ASTN2: variants seen among roughly 807,000 people sequenced by gnomAD.
ASTN2 encodes the protein astrotactin 2.
ASTN2 carries 54 observed loss-of-function variants against 139.8 expected under a neutral mutation model. The observed-to-expected ratio is 0.39, with a 90% CI of 0.31 to 0.48. ASTN2 has a LOEUF of 0.48. Among genes scored for constraint, ASTN2 ranks in the 20% least tolerant of loss-of-function variants. The probability of loss-of-function intolerance (pLI) is 0.95; values close to 1 mark genes in which losing one functional copy is unlikely to be tolerated. For missense variants in ASTN2, 1,565 were observed against 1,725.1 expected, an observed-to-expected ratio of 0.91 and a Z score of 1.64; for synonymous variants, 756 against 719.5, an observed-to-expected ratio of 1.05 and a Z score of -0.81.
chr9:116,440,486 C>T, intron 22 of ASTN2, 123 bp downstream of exon 22: 1 of 901,100 alleles, frequency 1.1e-6, no homozygotes, highest in Non-Finnish European at 1.7e-6. Flanking sequence ...TTGACACGAC[C>T]AAGGTGATAA....
chr9:116,615,718 C>A (rs1227243783), intron 19 of ASTN2, among the ~76,000 whole-genome samples: 1 of 131,424 alleles, frequency 7.6e-6, no homozygotes, highest in Non-Finnish European at 1.6e-5. Context: ...CACACCAGGG[C>A]CTGTCATGGG....
chr9:116,465,448 C>T (rs981134449), intron 20 of ASTN2, among the ~76,000 whole-genome samples: 3 of 152,080 alleles, frequency 2.0e-5, no homozygotes, highest in Non-Finnish European at 2.9e-5. Flanking sequence ...TAAGGCTTTG[C>T]GTAAGCACAA....
Position 117,414,783 on chromosome 9 carries a change from G to A in ASTN2, c.156C>T (p.Thr52=), listed in dbSNP as rs1486060916. Residue 52 remains threonine (T), a synonymous_variant, in exon 1 of 23, where the codon ACC becomes ACT. Coordinates refer to ENST00000313400, the MANE Select transcript of ASTN2 (RefSeq NM_001365068.1). The surrounding 1 kb of genome is among the most constrained non-coding windows in gnomAD (Gnocchi z 4.2). The part of the protein sequence containing the change: ...LPPPPLLAGA[T]AAASREPDSP... ...TGTCGGGCTCCCGCGAGGCAGCGGC[G>A]GTGGCGCCGGCCAGCAGCGGCGGCG... The A allele has an allele frequency of 1.6e-6, 2 of 1,256,204 alleles. No individual in the cohort carries two copies. The highest frequency in any genetic ancestry group is 2.0e-6 in the Non-Finnish European group (2 of 999,796). The allele number at this position is 1,256,204 out of a possible 1,614,324, so 77.8% of individuals were successfully genotyped here.
At chr9:116,801,152 G>C (rs540989321) in intron 13 of ASTN2, among the ~76,000 whole-genome samples, 2 of 152,150 alleles carry the variant, frequency 1.3e-5, no homozygotes, top group African/African-American at 4.8e-5. Context: ...CTTAGAGGAG[G>C]GAGGAAAGGA....
At chr9:117,052,956 G>T (rs1359854616) in intron 5 of ASTN2, among the ~76,000 whole-genome samples, 2 of 152,250 alleles carry the variant, frequency 1.3e-5, no homozygotes, top group African/African-American at 4.8e-5. Flanking sequence ...GAGGACACCA[G>T]ATGAAGGATT....
At chr9:116,458,453 C>G (rs775882315) in intron 20 of ASTN2, among the ~76,000 whole-genome samples, 8 of 151,786 alleles carry the variant, frequency 5.3e-5, no homozygotes, top group Non-Finnish European at 7.4e-5. Context: ...ACATCGCATA[C>G]TTGTATCAAA....
rs139516077 is a variant in ASTN2, at chr9:117,222,311, G to A, written c.631-7569C>T. On this transcript the variant is annotated intron_variant, in intron 2 of 22. Coordinates refer to ENST00000313400, the MANE Select transcript of ASTN2 (RefSeq NM_001365068.1). ...CCTTCTTCAAATGTGTGCTTTGGCC[G>A]TCCATGCAACCACCCCTACTAAGCT... Among the ~76,000 whole-genome samples, 803 of 152,242 alleles carry A rather than the reference G, an allele frequency of 5.3e-3. 6 individuals are homozygous for A. The highest frequency in any genetic ancestry group is 0.016 in the African/African-American group (663 of 41,530).
At chr9:117,043,790 C>A (rs989991371) in intron 5 of ASTN2, among the ~76,000 whole-genome samples, 1 of 151,970 alleles carries the variant, frequency 6.6e-6, no homozygotes, top group Non-Finnish European at 1.5e-5. Flanking sequence ...TGCCTGTAGT[C>A]CCAGCTACTC....
intron 20 of ASTN2, among the ~76,000 whole-genome samples, chr9:116,475,292 T>C (rs1848942377): frequency 6.6e-6 from 1 of 152,122 alleles, no homozygotes; most frequent in Admixed American, 6.5e-5. Flanking sequence ...ACTGCAGTCC[T>C]CACTCCTCCC....
intron 13 of ASTN2, among the ~76,000 whole-genome samples, chr9:116,759,547 A>T (rs575440082): frequency 2.6e-5 from 4 of 152,224 alleles, no homozygotes; most frequent in Admixed American, 2.6e-4. Context: ...GGCTAGTGAG[A>T]AATATAACAT....
intron 7 of ASTN2, among the ~76,000 whole-genome samples, chr9:116,984,861 C>A (rs1836632499): frequency 1.3e-5 from 2 of 152,104 alleles, no homozygotes; most frequent in Admixed American, 6.5e-5. Context: ...AAAATTCCAG[C>A]CCTTGATTCT....
intron 3 of ASTN2, among the ~76,000 whole-genome samples, chr9:117,195,338 G>A (rs1265792471): frequency 1.3e-5 from 2 of 152,182 alleles, no homozygotes; most frequent in African/African-American, 2.4e-5. Flanking sequence ...AAGGGCATAG[G>A]AGAAGAAGGT....
rs1249317438 is a variant in ASTN2 at position 117,070,744 on chromosome 9, C to T, written c.1276+25300G>A. On this transcript the variant is annotated intron_variant, in intron 5 of 22. Coordinates refer to ENST00000313400, the MANE Select transcript of ASTN2 (RefSeq NM_001365068.1). ...TTTTTTCTCTAAACTTCCCTTCTCA[C>T]TTCATTTCATTCATTTCATCTTCCA... Among the ~76,000 whole-genome samples the T allele has an allele frequency of 1.2e-4, 18 of 151,546 alleles. No homozygotes were observed. In the South Asian group the frequency reaches 3.6e-3, roughly 30 times the overall value.
chr9:116,561,836 C>T (rs1189970496), intron 19 of ASTN2, among the ~76,000 whole-genome samples: 1 of 152,218 alleles, frequency 6.6e-6, no homozygotes, highest in East Asian at 1.9e-4. Flanking sequence ...ATGTCTTTGT[C>T]CTCCACTGGC....
intron 19 of ASTN2, among the ~76,000 whole-genome samples, chr9:116,557,116 C>T (rs142155370): frequency 1.4e-5 from 2 of 147,032 alleles, no homozygotes; most frequent in African/African-American, 2.5e-5. Context: ...CCCAGCTACT[C>T]GGGAGGCTGA....
intron 5 of ASTN2, among the ~76,000 whole-genome samples, chr9:117,086,926 C>T (rs906641318): frequency 5.3e-5 from 8 of 152,182 alleles, no homozygotes; most frequent in Admixed American, 6.5e-5. Context: ...GCCTAGCCCT[C>T]TCTCCCATGT....
intron 16 of ASTN2, among the ~76,000 whole-genome samples, 182 bp downstream of exon 16, chr9:116,725,589 C>T (rs1022161365): frequency 6.6e-6 from 1 of 152,118 alleles, no homozygotes; most frequent in Non-Finnish European, 1.5e-5. Flanking sequence ...AATCATTATA[C>T]GATCCCTCAC....
chr9:116,970,203 T>C (rs937350860), intron 10 of ASTN2, among the ~76,000 whole-genome samples: 1 of 152,190 alleles, frequency 6.6e-6, no homozygotes, highest in Non-Finnish European at 1.5e-5. Flanking sequence ...CGGCATAACA[T>C]CTGCAAAGAC....
intron 19 of ASTN2, among the ~76,000 whole-genome samples, chr9:116,556,401 G>A (rs1249595576): frequency 6.6e-6 from 1 of 152,162 alleles, no homozygotes; most frequent in Admixed American, 6.5e-5. Flanking sequence ...GCTGAGGTGA[G>A]AGGATTGCTT....
Sources: allele counts gnomAD v4.1 joint callset (sites outside exome capture counted in the v4.1 genomes callset), GRCh38; gene constraint gnomAD v4.1.1; non-coding constraint Gnocchi (gnomAD v3.1); transcripts MANE v1.5; gene names NCBI Gene and HGNC (gene_info 2026-07-23, HGNC 2026-07-21).